ARID4B: variants seen among roughly 807,000 people sequenced by gnomAD.
ARID4B encodes AT-rich interaction domain 4B.
A neutral mutation model predicts 147.5 loss-of-function variants in ARID4B; 26 were observed. The observed-to-expected ratio is 0.18, with a 90% confidence interval of 0.13 to 0.24. The LOEUF (loss-of-function observed/expected upper bound fraction) is 0.24, where lower values mean the gene tolerates loss of function less well. Among genes scored for constraint, ARID4B ranks in the 10% least tolerant of loss-of-function variants. ARID4B has a pLI of 1.00. For missense variants in ARID4B, 1,179 were observed against 1,511.5 expected (o/e 0.78, Z 3.65); for synonymous variants, 512 against 507.9 (o/e 1.01, Z -0.11).
At chr1:235,220,612 A>G in intron 14 of ARID4B, 67 bp from the exon 15 acceptor site, 3 of 1,223,582 alleles carry the variant, frequency 2.5e-6, no homozygotes, top group Non-Finnish European at 3.3e-6. Flanking sequence ...AGTTATTTTT[A>G]ATGTGTATTC....
intron 23 of ARID4B, among the ~76,000 whole-genome samples, chr1:235,172,352 A>T (rs1460367619): frequency 6.6e-6 from 1 of 152,094 alleles, no homozygotes; most frequent in Non-Finnish European, 1.5e-5. Flanking sequence ...CAAGACAGGT[A>T]GATCACCTGA....
chr1:235,232,764 A>G (rs527496643), intron 9 of ARID4B, among the ~76,000 whole-genome samples: 1 of 152,160 alleles, frequency 6.6e-6, no homozygotes, highest in African/African-American at 2.4e-5. Context: ...TATTAAGTCA[A>G]TATTCAATTT....
intron 17 of ARID4B, among the ~76,000 whole-genome samples, chr1:235,210,999 A>G (rs1265965223): frequency 6.6e-5 from 10 of 152,336 alleles, no homozygotes; most frequent in Admixed American, 3.3e-4. Context: ...CTCAGTTCTT[A>G]TATCTACTAA....
chr1:235,203,193 T>G (rs897828537), intron 17 of ARID4B, among the ~76,000 whole-genome samples: 7 of 152,214 alleles, frequency 4.6e-5, no homozygotes, highest in Non-Finnish European at 2.9e-5. Context: ...ACAGAAAAAT[T>G]GGATTTCTAA....
At chr1:235,215,176 T>G (rs985932504) in intron 16 of ARID4B, among the ~76,000 whole-genome samples, 1 of 152,154 alleles carries the variant, frequency 6.6e-6, no homozygotes, top group Non-Finnish European at 1.5e-5. Flanking sequence ...TAGTACCATG[T>G]ACTTTCTAAA....
rs80209180 is a variant in ARID4B, at chr1:235,267,032, C to G, written c.7-6280G>C. Among the ~76,000 whole-genome samples the G allele has an allele frequency of 4.4e-3, 671 of 152,348 alleles. 5 individuals carry two copies. Among genetic ancestry groups the G allele is most frequent in the African/African-American group, 0.015 (643 of 41,586 alleles). ...ATGGCTCACACCTACAATCCCAGCA[C>G]TTTGGGAGCCCGAGGTGTGTAGATT... On this transcript the variant is annotated intron_variant, in intron 2 of 23. Transcript: ENST00000264183.
intron 2 of ARID4B, among the ~76,000 whole-genome samples, chr1:235,280,614 A>G (rs1035988846): frequency 6.6e-6 from 1 of 152,250 alleles, no homozygotes; most frequent in Admixed American, 6.5e-5. Flanking sequence ...GATCGCCGAA[A>G]GCACACCAGT....
intron 2 of ARID4B, among the ~76,000 whole-genome samples, chr1:235,295,214 T>C (rs1672607461): frequency 1.3e-5 from 2 of 152,016 alleles, no homozygotes; most frequent in Non-Finnish European, 2.9e-5. Flanking sequence ...TAGCATAAGA[T>C]AAAAAATGAT....
intron 2 of ARID4B, among the ~76,000 whole-genome samples, chr1:235,300,418 TA>T (rs34888924): frequency 0.7 from 100,864 of 143,516 alleles, 35,085 homozygotes; most frequent in South Asian, 0.89. Flanking sequence ...CTCCGTCTCA[TA>T]AAAAAAAAAA....
chr1:235,175,647 G>C (rs1427461253), intron 21 of ARID4B: 1 of 442,200 alleles, frequency 2.3e-6, no homozygotes, highest in Non-Finnish European at 4.1e-6. Flanking sequence ...CATTATGCTT[G>C]GTAGACTGTC....
intron 9 of ARID4B, among the ~76,000 whole-genome samples, chr1:235,231,643 C>T (rs1008273368): frequency 6.6e-6 from 1 of 152,074 alleles, no homozygotes; most frequent in African/African-American, 2.4e-5. Flanking sequence ...CATGCCACTA[C>T]CACCCGGCTA....
intron 23 of ARID4B, among the ~76,000 whole-genome samples, chr1:235,169,054 T>A (rs1215195572): frequency 6.6e-6 from 1 of 152,186 alleles, no homozygotes; most frequent in Non-Finnish European, 1.5e-5. Flanking sequence ...CTTTCTGTAC[T>A]TAGGAGTTTT....
At chr1:235,271,978 A>G (rs1349292898) in intron 2 of ARID4B, among the ~76,000 whole-genome samples, 1 of 147,338 alleles carries the variant, frequency 6.8e-6, no homozygotes, top group Non-Finnish European at 1.5e-5. Context: ...AAATAATAAT[A>G]ATAATCCCCA....
In ARID4B at chr1:235,168,463, G is replaced by A. The variant is rs1372691629; in HGVS notation, c.*62C>T. The A allele has an allele frequency of 1.1e-5, 17 of 1,588,014 alleles. No homozygotes were observed. The highest frequency in any genetic ancestry group is 2.7e-5 in the African/African-American group (2 of 74,094). ...TGATATTTTTTTGTGCCACTGTGCA[G>A]TATAAAAAAAAAGTGGCCCTCAACA... On this transcript the variant is annotated 3_prime_UTR_variant, in exon 24 of 24. Coordinates refer to ENST00000264183, the MANE Select transcript of ARID4B (RefSeq NM_016374.6).
chr1:235,197,664 T>G (rs975041021), intron 17 of ARID4B, among the ~76,000 whole-genome samples: 1 of 152,262 alleles, frequency 6.6e-6, no homozygotes, highest in Non-Finnish European at 1.5e-5. Context: ...AGGCTTAGTT[T>G]ATTTCTGTAT....
intron 16 of ARID4B, among the ~76,000 whole-genome samples, chr1:235,216,433 C>T (rs1042729680): frequency 1.8e-4 from 27 of 152,050 alleles, no homozygotes; most frequent in African/African-American, 4.8e-4. Flanking sequence ...CTGCAACCTC[C>T]GTCTCCCAGG....
chr1:235,316,212 C>G (rs1180736597), intron 2 of ARID4B, among the ~76,000 whole-genome samples: 1 of 152,068 alleles, frequency 6.6e-6, no homozygotes, highest in African/African-American at 2.4e-5. Context: ...TTGAGTATCC[C>G]TAACTCAAAA....
intron 10 of ARID4B, among the ~76,000 whole-genome samples, chr1:235,230,581 C>A (rs192332856): frequency 2.4e-3 from 313 of 131,500 alleles, no homozygotes; most frequent in Non-Finnish European, 3.1e-3. Flanking sequence ...GATTATTATG[C>A]CTGACTATAA....
In ARID4B at chr1:235,167,445, A is replaced by C. The variant is rs1274695839; in HGVS notation, c.*1080T>G. On this transcript the variant is annotated 3_prime_UTR_variant, in exon 24 of 24. Coordinates refer to ENST00000264183, the MANE Select transcript of ARID4B (RefSeq NM_016374.6). ...GAATCATACAACATAAAGTCAATACAAGTGAAAACAATTTTGCATTCATTT... is the reference window on the plus strand; with the variant it reads ...GAATCATACAACATAAAGTCAATACCAGTGAAAACAATTTTGCATTCATTT... 4.5e-6 allele frequency: 1 copy of C among 222,248 alleles called. No individual in the cohort carries two copies. The highest frequency in any genetic ancestry group is 9.0e-6 in the Non-Finnish European group (1 of 111,040). The allele number at this position is 222,248 out of a possible 1,614,324, so 13.8% of individuals were successfully genotyped here.
Sources: gnomAD v4.1 joint callset for allele counts (sites outside exome capture counted in the v4.1 genomes callset) on GRCh38, gnomAD v4.1.1 for gene constraint, MANE v1.5 for transcripts, NCBI Gene and HGNC (gene_info 2026-07-23, HGNC 2026-07-21) for gene names.